The following DDX6 variants were observed in gnomAD, a reference collection of about 807,000 sequenced individuals.
DDX6 encodes DEAD-box helicase 6.
DDX6 carries 7 observed loss-of-function variants against 60.6 expected under a neutral mutation model. The ratio of observed to expected loss-of-function variants is 0.12; its 90% CI spans 0.07 to 0.22. The LOEUF is 0.22. DDX6 is among the 10% of genes least tolerant of loss of function. DDX6 has a pLI of 1.00. For missense variants in DDX6, 270 were observed against 589.9 expected, an observed-to-expected ratio of 0.46 and a Z score of 5.62; for synonymous variants, 207 against 201.0, an observed-to-expected ratio of 1.03 and a Z score of -0.25.
At chr11:118,763,381 C>T (rs1861239542) in intron 6 of DDX6, 75 bp from the exon 7 acceptor site, 2 of 1,079,850 alleles carry the variant, frequency 1.9e-6, no homozygotes, top group Non-Finnish European at 2.8e-6. Flanking sequence ...TATAATATTA[C>T]AGTCCTGAGC....
intron 5 of DDX6, 38 bp from the exon 6 acceptor site, chr11:118,765,393 G>T (rs1299624260): frequency 1.9e-6 from 3 of 1,607,292 alleles, no homozygotes; most frequent in Admixed American, 3.3e-5. Flanking sequence ...AAAATATGGG[G>T]TGAGGTGGGA....
In DDX6 at chr11:118,751,013, ACTCT is replaced by A. The variant is rs1860743441; in HGVS notation, c.*1088_*1091del. The A allele has an allele frequency of 6.7e-6, 1 of 150,018 alleles. No individual in the cohort carries two copies. Among genetic ancestry groups the A allele is most frequent in the African/African-American group, 2.5e-5 (1 of 40,604 alleles). The allele number at this position is 150,018 out of a possible 1,614,324, so 9.3% of individuals were successfully genotyped here. A position where few individuals can be genotyped will look rare whatever the true frequency, so the allele number is the denominator to read the frequency against. ...CTCATCTTTAGCTGCTCCCATAATC[ACTCT>A]AATCCCCTTAATCCCAGCAACCTTC... is the stretch of plus-strand genomic sequence containing the variant. On this transcript the variant is annotated 3_prime_UTR_variant, in exon 14 of 14. Coordinates refer to ENST00000534980, the MANE Select transcript of DDX6 (RefSeq NM_004397.6).
At chr11:118,768,590 T>C (rs1861431330) in intron 4 of DDX6, among the ~76,000 whole-genome samples, 1 of 152,152 alleles carries the variant, frequency 6.6e-6, no homozygotes, top group African/African-American at 2.4e-5. Context: ...TGTAACCCAA[T>C]GTCATAAGAA....
intron 2 of DDX6, among the ~76,000 whole-genome samples, chr11:118,784,695 G>C (rs1163205169): frequency 6.6e-6 from 1 of 151,530 alleles, no homozygotes; most frequent in Admixed American, 6.6e-5. Context: ...TTGACCTCGT[G>C]ATCTACCTGC....
chr11:118,780,633 T>C (rs1185686032), intron 3 of DDX6, among the ~76,000 whole-genome samples: 1 of 152,170 alleles, frequency 6.6e-6, no homozygotes, highest in Non-Finnish European at 1.5e-5. Flanking sequence ...CACAGTCTCC[T>C]AAGGACTGGT....
In DDX6 at chr11:118,748,709, C is replaced by A. The variant is rs1188055814; in HGVS notation, c.*3396G>T. ...TCTAAATCCTTAGTGCAGACACCCT[C>A]CCTTCTGGGGCAAAGTACCCTCCCT... On this transcript the variant is annotated 3_prime_UTR_variant, in exon 14 of 14. Transcript: ENST00000534980. 1 of 151,822 alleles carries A rather than the reference C, an allele frequency of 6.6e-6. No individual in the cohort carries two copies. The highest frequency in any genetic ancestry group is 1.5e-5 in the Non-Finnish European group (1 of 67,976). The allele number at this position is 151,822 out of a possible 1,614,324, so 9.4% of individuals were successfully genotyped here.
intron 7 of DDX6, among the ~76,000 whole-genome samples, chr11:118,760,282 C>T (rs879977262): frequency 3.3e-5 from 5 of 152,136 alleles, no homozygotes; most frequent in South Asian, 2.1e-4. Context: ...CAACCTCCCC[C>T]GCTTTCTGTA....
chr11:118,771,729 T>C (rs1405702796), intron 4 of DDX6, among the ~76,000 whole-genome samples: 8 of 152,258 alleles, frequency 5.3e-5, no homozygotes, highest in Non-Finnish European at 1.0e-4. Flanking sequence ...CTAAACAGGA[T>C]TAGTTTGCCC....
At chr11:118,772,437 T>C (rs898522208) in intron 4 of DDX6, among the ~76,000 whole-genome samples, 1 of 152,212 alleles carries the variant, frequency 6.6e-6, no homozygotes, top group Non-Finnish European at 1.5e-5. Flanking sequence ...TTATATGACA[T>C]GTCCAGACTA....
intron 13 of DDX6, 73 bp from the exon 14 acceptor site, chr11:118,752,170 C>T: frequency 5.5e-6 from 1 of 181,698 alleles, no homozygotes; most frequent in South Asian, 9.4e-5. Flanking sequence ...TTTCACAATC[C>T]TCATCCCAAA....
In DDX6 at chr11:118,754,760, C is replaced by G; in HGVS notation, c.1404G>C (p.Leu468=). Reference sequence around the variant, plus strand: ...GCTCGCTGTGGTATTCTGCCACATACAGGCTCTTATCAATGTTGCTCGGAA... The same window carrying G: ...GCTCGCTGTGGTATTCTGCCACATAGAGGCTCTTATCAATGTTGCTCGGAA... The part of the protein sequence containing the change: ...KPIPSNIDKS[L]YVAEYHSEPV... Residue 468 remains leucine, a synonymous_variant, in exon 13 of 14, where the codon CTG becomes CTC. Transcript: ENST00000534980. 6.2e-7 allele frequency: 1 copy of G among 1,613,692 alleles called. No individual in the cohort carries two copies. The highest frequency in any genetic ancestry group is 8.5e-7 in the Non-Finnish European group (1 of 1,179,826).
In DDX6 at chr11:118,749,601, G is replaced by A. The variant is rs1860683737; in HGVS notation, c.*2504C>T. ...ACCCACAGGCATGTGGCACCACGCA[G>A]TCTAAAGTTGGTGAAGGAGACTGCA... On this transcript the variant is annotated 3_prime_UTR_variant, in exon 14 of 14. Coordinates refer to ENST00000534980, the MANE Select transcript of DDX6 (RefSeq NM_004397.6). 6.6e-6 allele frequency: 1 copy of A among 152,612 alleles called. No homozygotes were observed. Among genetic ancestry groups the A allele is most frequent in the Non-Finnish European group, 1.5e-5 (1 of 68,038 alleles). The allele number at this position is 152,612 out of a possible 1,614,324, so 9.5% of individuals were successfully genotyped here.
Position 118,752,975 on chromosome 11 carries a change from GTATTT to G in DDX6, c.*8-883_*8-879del, listed in dbSNP as rs201237884. On this transcript the variant is annotated intron_variant, in intron 13 of 13. Transcript: ENST00000534980. The stretch of plus-strand genomic sequence containing the variant: ...CAGGTTGTCCAGGAAATCAGAGTGG[GTATTT>G]TATTTATGTATTTGACGGAGTTTCA... Among the ~76,000 whole-genome samples, 1,151 of 152,210 alleles carry G rather than the reference GTATTT, an allele frequency of 7.6e-3. 67 individuals carry two copies. The East Asian group carries it at 0.14, about 18-fold the overall frequency.
intron 4 of DDX6, 151 bp downstream of exon 4, chr11:118,779,481 G>A (rs1861816287): frequency 5.4e-6 from 3 of 553,680 alleles, no homozygotes. Context: ...TAAAAGCCAT[G>A]ATTTTCTAAT....
chr11:118,753,995 C>G (rs1565558910), intron 13 of DDX6, among the ~76,000 whole-genome samples: 1 of 152,084 alleles, frequency 6.6e-6, no homozygotes, highest in Non-Finnish European at 1.5e-5. Flanking sequence ...ACTTGGGAGG[C>G]TGAGGTGCAC....
In DDX6 at chr11:118,763,242, A is replaced by G; in HGVS notation, c.711T>C (p.Val237=). ...CCAATACTATCATCTGGACATGATC[A>G]ACCTTTGCTACTCCTTTCTTAATAA... is the stretch of plus-strand genomic sequence containing the variant. ...LDLIKKGVAK[V]DHVQMIVLDE... The change falls in exon 7 of 14, where the codon GTT becomes GTC. Residue 237 remains valine, a synonymous_variant. Transcript: ENST00000534980. The G allele has an allele frequency of 6.2e-7, 1 of 1,611,318 alleles. No homozygotes were observed.
chr11:118,758,502 T>C (rs1555159486), intron 9 of DDX6, among the ~76,000 whole-genome samples: 1 of 152,072 alleles, frequency 6.6e-6, no homozygotes, highest in Admixed American at 6.6e-5. Context: ...GCCTCCCAAG[T>C]AGCTGGGATT....
intron 7 of DDX6, among the ~76,000 whole-genome samples, chr11:118,761,876 A>C (rs1861181893): frequency 6.7e-6 from 1 of 149,668 alleles, no homozygotes; most frequent in African/African-American, 2.5e-5. Flanking sequence ...AAAAAAAAAA[A>C]AACAAACCAT....
intron 1 of DDX6, chr11:118,787,431 T>A (rs1484151967): frequency 6.6e-6 from 1 of 151,640 alleles, no homozygotes; most frequent in East Asian, 1.9e-4. Flanking sequence ...ATTGTGCCAC[T>A]GCACTCCAGC....
Sources: allele counts gnomAD v4.1 joint callset (sites outside exome capture counted in the v4.1 genomes callset), GRCh38; gene constraint gnomAD v4.1.1; transcripts MANE v1.5; gene names NCBI Gene and HGNC (gene_info 2026-07-23, HGNC 2026-07-21).